Variants in SLC25A53 observed in about 807,000 individuals in gnomAD.
SLC25A53 encodes the protein solute carrier family 25 member 53.
SLC25A53 carries 5 observed loss-of-function variants against 15.0 expected under a neutral mutation model. The ratio of observed to expected loss-of-function variants is 0.33; its 90% CI spans 0.17 to 0.70. The LOEUF is 0.70. SLC25A53 is among the 30% of genes least tolerant of loss of function. The pLI is 0.67. For synonymous variants in SLC25A53, 95 were observed against 100.0 expected (o/e 0.95, Z 0.30); for missense variants, 216 against 241.6 (o/e 0.89, Z 0.70).
intron 1 of SLC25A53, among the ~76,000 whole-genome samples, chrX:104,150,489 T>C (rs1357145605): frequency 9.0e-6 from 1 of 111,284 alleles, no homozygotes; most frequent in African/African-American, 3.3e-5. Context: ...AAACTGCCAC[T>C]ATCAGACAAG....
At chrX:104,148,672 G>A (rs1177040850) in intron 1 of SLC25A53, among the ~76,000 whole-genome samples, 2 of 110,528 alleles carry the variant, frequency 1.8e-5, no homozygotes, top group Non-Finnish European at 3.8e-5. Flanking sequence ...ATCACACACA[G>A]GGGCCTGTCA....
chrX:104,104,801 T>A lies in SLC25A53; in HGVS notation c.457A>T (p.Ser153Cys). 1 of 1,211,738 alleles carries A rather than the reference T, an allele frequency of 8.3e-7. No homozygotes were observed. Among genetic ancestry groups the A allele is most frequent in the Non-Finnish European group, 1.1e-6 (1 of 895,530 alleles). ...QDGRKQARFP[S>C]TFSILKEFNS... ...AATTCCTTGAGAATGCTGAAGGTGC[T>A]GGGGAAGCGAGCTTGCTTGCGACCA... Residue 153 changes from serine (S) to cysteine (C), a missense_variant, in exon 2 of 2, where the codon AGC (serine) becomes TGC (cysteine). Transcript: ENST00000594199.
intron 1 of SLC25A53, among the ~76,000 whole-genome samples, chrX:104,152,327 G>A (rs1167448147): frequency 2.9e-5 from 3 of 103,912 alleles, no homozygotes; most frequent in Admixed American, 2.1e-4. Context: ...AACATGCGGT[G>A]TTTGGTTTTT....
rs2075277964 is a variant in SLC25A53, at chrX:104,101,031, C to G, written c.*3303G>C. On this transcript the variant is annotated 3_prime_UTR_variant, in exon 2 of 2. Transcript: ENST00000594199. ...AAATCCAAGCCTCCAGAACTTCTGA[C>G]AGATGGGCTTCAAGTTTGAGTTCAC... 1 of 112,424 alleles carries G rather than the reference C, an allele frequency of 8.9e-6. No homozygotes were observed. Among genetic ancestry groups the G allele is most frequent in the African/African-American group, 3.2e-5 (1 of 30,899 alleles). 9.3% of individuals were successfully genotyped at this position (112,424 alleles called of 1,213,427 possible). A position where few individuals can be genotyped will look rare whatever the true frequency, so the allele number is the denominator to read the frequency against.
chrX:104,148,314 G>C (rs1355695588), intron 1 of SLC25A53, among the ~76,000 whole-genome samples: 12 of 108,684 alleles, frequency 1.1e-4, no homozygotes, highest in African/African-American at 1.0e-4. Flanking sequence ...GGTGGGAGGA[G>C]GGGGGAGGGA....
intron 1 of SLC25A53, among the ~76,000 whole-genome samples, chrX:104,148,111 C>T (rs1344073801): frequency 9.1e-6 from 1 of 109,843 alleles, no homozygotes; most frequent in South Asian, 3.9e-4. Flanking sequence ...CCATGGAATA[C>T]TATGCAGCCA....
intron 1 of SLC25A53, among the ~76,000 whole-genome samples, chrX:104,129,485 A>G (rs2075419570): frequency 9.0e-6 from 1 of 110,831 alleles, no homozygotes; most frequent in Non-Finnish European, 1.9e-5. Flanking sequence ...ATCACCAAAA[A>G]AGCCACAAAA....
intron 1 of SLC25A53, among the ~76,000 whole-genome samples, chrX:104,153,939 T>C (rs1271223423): frequency 8.9e-6 from 1 of 112,006 alleles, no homozygotes; most frequent in Non-Finnish European, 1.9e-5. Flanking sequence ...GGGCAATGAA[T>C]TTTGGGGTTT....
At chrX:104,145,479 T>TA (rs2075463400) in intron 1 of SLC25A53, among the ~76,000 whole-genome samples, 1 of 107,404 alleles carries the variant, frequency 9.3e-6, no homozygotes. Context: ...CTGAAGGAGA[T>TA]AGAGACATGA....
intron 1 of SLC25A53, among the ~76,000 whole-genome samples, chrX:104,111,437 G>C (rs1569460369): frequency 9.1e-6 from 1 of 110,465 alleles, no homozygotes; most frequent in East Asian, 2.8e-4. Flanking sequence ...GGTCACAAAG[G>C]GCTGTCGAAA....
At chrX:104,111,377 C>T (rs1556358639) in intron 1 of SLC25A53, among the ~76,000 whole-genome samples, 1 of 111,656 alleles carries the variant, frequency 9.0e-6, no homozygotes, top group Non-Finnish European at 1.9e-5. Context: ...TTGGCTTCAC[C>T]TTGTATTTTC....
chrX:104,143,114 C>T (rs1299669452), intron 1 of SLC25A53, among the ~76,000 whole-genome samples: 3 of 110,696 alleles, frequency 2.7e-5, no homozygotes, highest in African/African-American at 9.9e-5. Context: ...ACGTCAAAGA[C>T]CAAAGGTAGA....
intron 1 of SLC25A53, among the ~76,000 whole-genome samples, chrX:104,118,382 T>C (rs1325208213): frequency 2.7e-5 from 3 of 111,923 alleles, no homozygotes; most frequent in African/African-American, 9.7e-5. Flanking sequence ...CCCAGATCTT[T>C]TTGATGCCTA....
rs2075271936 is a variant in SLC25A53, at chrX:104,099,299, G to A, written c.*5035C>T. On this transcript the variant is annotated 3_prime_UTR_variant, in exon 2 of 2. Transcript: ENST00000594199. ...TTCCCAATGCAAAGAAATGATAAAT[G>A]TTTGAGCTGATGGATATCCCAATTA... The A allele has an allele frequency of 8.9e-6, 1 of 112,279 alleles. No homozygotes were observed. Among genetic ancestry groups the A allele is most frequent in the African/African-American group, 3.2e-5 (1 of 30,901 alleles). 9.3% of individuals were successfully genotyped at this position (112,279 alleles called of 1,213,427 possible). A position where few individuals can be genotyped will look rare whatever the true frequency, so the allele number is the denominator to read the frequency against.
intron 1 of SLC25A53, among the ~76,000 whole-genome samples, chrX:104,111,967 A>T (rs2075347244): frequency 8.9e-6 from 1 of 111,764 alleles, no homozygotes; most frequent in South Asian, 3.7e-4. Context: ...GGCAAGGGGC[A>T]GCCTTTGAAG....
chrX:104,147,144 C>T (rs1269338810), intron 1 of SLC25A53, among the ~76,000 whole-genome samples: 5 of 111,182 alleles, frequency 4.5e-5, no homozygotes, highest in South Asian at 7.6e-4. Context: ...TCAGAAATAA[C>T]GCCGCATATC....
intron 1 of SLC25A53, among the ~76,000 whole-genome samples, chrX:104,140,121 C>CTTAT (rs1347948061): frequency 8.1e-5 from 9 of 111,287 alleles, no homozygotes; most frequent in African/African-American, 2.6e-4. Context: ...GCCTCCCCTC[C>CTTAT]TTATTTATTT....
intron 1 of SLC25A53, among the ~76,000 whole-genome samples, chrX:104,109,272 AT>A (rs782573638): frequency 1.4e-4 from 16 of 111,676 alleles, no homozygotes; most frequent in Non-Finnish European, 2.8e-4. Flanking sequence ...TCTCCGCTGC[AT>A]TGTGTTGTAG....
rs1393297078 is a variant in SLC25A53, at chrX:104,153,258, A to AT, written c.-32+3619dup. On this transcript the variant is annotated intron_variant, in intron 1 of 1. Transcript: ENST00000594199. Reference sequence around the variant, plus strand: ...ACCTAGAGTGTGTGTATATATATATATATATTTTTTTTTTCTCATATGGAA... The same window carrying AT: ...ACCTAGAGTGTGTGTATATATATATATTATATTTTTTTTTTCTCATATGGAA... Among the ~76,000 whole-genome samples, 4 of 50,016 alleles carry AT rather than the reference A, an allele frequency of 8.0e-5. No homozygotes were observed. The Admixed American group carries it at 1.2e-3, about 14-fold the overall frequency. The allele number at this position is 50,016 out of a possible 115,157, so 43.4% of individuals were successfully genotyped here.
Sources: gnomAD v4.1 joint callset for allele counts (sites outside exome capture counted in the v4.1 genomes callset) on GRCh38, gnomAD v4.1.1 for gene constraint, MANE v1.5 for transcripts, NCBI Gene and HGNC (gene_info 2026-07-23, HGNC 2026-07-21) for gene names.